MICU1: variants seen among roughly 807,000 people sequenced by gnomAD.
MICU1 encodes the protein calcium uptake protein 1, mitochondrial.
Under a neutral mutation model 56.8 loss-of-function variants are expected in MICU1, and 45 were observed. That is an observed-to-expected ratio of 0.79 (90% CI 0.62 to 1.02). MICU1 has a LOEUF of 1.02. Among genes scored for constraint, MICU1 ranks in the 50% least tolerant of loss-of-function variants. The pLI is 0.00. For missense variants in MICU1, 504 were observed against 587.1 expected, an observed-to-expected ratio of 0.86 and a Z score of 1.46; for synonymous variants, 186 against 195.1, an observed-to-expected ratio of 0.95 and a Z score of 0.39.
intron 3 of MICU1, among the ~76,000 whole-genome samples, chr10:72,561,165 G>A (rs1349801991): frequency 6.6e-6 from 1 of 152,206 alleles, no homozygotes; most frequent in Non-Finnish European, 1.5e-5. Flanking sequence ...GTAACTATAA[G>A]GGTTGGAATT....
intron 10 of MICU1, among the ~76,000 whole-genome samples, chr10:72,400,465 G>A (rs527337459): frequency 6.6e-6 from 1 of 152,144 alleles, no homozygotes. Context: ...ATGATGACTG[G>A]CCGGGCGTGG....
At chr10:72,377,922 T>C (rs1862577541) in intron 10 of MICU1, among the ~76,000 whole-genome samples, 1 of 152,216 alleles carries the variant, frequency 6.6e-6, no homozygotes, top group Admixed American at 6.5e-5. Flanking sequence ...CGATACGGTT[T>C]AGATTTGTGC....
At chr10:72,412,498 C>T (rs1357948546) in intron 9 of MICU1, among the ~76,000 whole-genome samples, 1 of 152,152 alleles carries the variant, frequency 6.6e-6, no homozygotes, top group Non-Finnish European at 1.5e-5. Context: ...CTTTAGGATG[C>T]TGAAAAATGA....
At chr10:72,370,903 C>A (rs1048466778) in intron 11 of MICU1, among the ~76,000 whole-genome samples, 1 of 151,482 alleles carries the variant, frequency 6.6e-6, no homozygotes, top group African/African-American at 2.4e-5. Flanking sequence ...TGGTGGTGGG[C>A]GCCTGTAATT....
At chr10:72,550,671 T>C (rs1393451752) in intron 4 of MICU1, among the ~76,000 whole-genome samples, 1 of 152,218 alleles carries the variant, frequency 6.6e-6, no homozygotes, top group Non-Finnish European at 1.5e-5. Context: ...TAGATCATTC[T>C]TCTTTTTAAA....
chr10:72,454,365 A>T (rs1377714721), intron 8 of MICU1, among the ~76,000 whole-genome samples: 1 of 151,960 alleles, frequency 6.6e-6, no homozygotes, highest in Non-Finnish European at 1.5e-5. Context: ...GAGGCAGGAG[A>T]ATTGCTTGAA....
chr10:72,421,710 A>G (rs1276820350), intron 9 of MICU1, among the ~76,000 whole-genome samples: 2 of 152,158 alleles, frequency 1.3e-5, no homozygotes, highest in Non-Finnish European at 2.9e-5. Flanking sequence ...CCTAAATTCT[A>G]ATAGGCTTAT....
At chr10:72,402,759 T>C (rs1863497168) in intron 10 of MICU1, among the ~76,000 whole-genome samples, 1 of 152,152 alleles carries the variant, frequency 6.6e-6, no homozygotes, top group Non-Finnish European at 1.5e-5. Flanking sequence ...ATAAAGGAAG[T>C]TCGGCTGGGC....
intron 10 of MICU1, among the ~76,000 whole-genome samples, chr10:72,382,118 CTTT>C (rs571239001): frequency 1.4e-5 from 2 of 143,982 alleles, no homozygotes; most frequent in African/African-American, 2.5e-5. Context: ...GATCTGAATT[CTTT>C]TTTTTTTTTG....
chr10:72,468,658 G>C (rs1865866459), intron 8 of MICU1, among the ~76,000 whole-genome samples: 1 of 151,694 alleles, frequency 6.6e-6, no homozygotes, highest in Non-Finnish European at 1.5e-5. Context: ...CATTAAAATA[G>C]CTGTAAAATC....
chr10:72,386,557 ATTTTTTTT>A (rs34210330), intron 10 of MICU1, among the ~76,000 whole-genome samples: 3 of 120,188 alleles, frequency 2.5e-5, no homozygotes, highest in African/African-American at 6.4e-5. Context: ...CCCGCCACCT[ATTTTTTTT>A]TTTTTTTTTT....
At chr10:72,420,942 C>T (rs1268555905) in intron 9 of MICU1, among the ~76,000 whole-genome samples, 1 of 140,658 alleles carries the variant, frequency 7.1e-6, no homozygotes, top group South Asian at 2.2e-4. Flanking sequence ...GCGGAGGTTG[C>T]GATGAGCCGA....
chr10:72,557,186 C>T (rs1187354359), intron 3 of MICU1, among the ~76,000 whole-genome samples: 1 of 152,122 alleles, frequency 6.6e-6, no homozygotes, highest in Non-Finnish European at 1.5e-5. Flanking sequence ...TACACTATCT[C>T]CAATAAAATG....
intron 2 of MICU1, among the ~76,000 whole-genome samples, chr10:72,566,122 C>A (rs1564937826): frequency 7.1e-6 from 1 of 140,038 alleles, no homozygotes; most frequent in Non-Finnish European, 1.5e-5. Flanking sequence ...TGGCTCACTG[C>A]AACCTCCACC....
chr10:72,435,401 A>T (rs944467933), intron 8 of MICU1, among the ~76,000 whole-genome samples: 6 of 151,456 alleles, frequency 4.0e-5, no homozygotes, highest in African/African-American at 1.5e-4. Flanking sequence ...AAAAAAAAAA[A>T]AAAAAAAAAA....
chr10:72,394,353 T>C (rs544136923), intron 10 of MICU1, among the ~76,000 whole-genome samples: 1 of 152,216 alleles, frequency 6.6e-6, no homozygotes, highest in Non-Finnish European at 1.5e-5. Context: ...ATTACCCATA[T>C]GAGGCTGGGC....
intron 3 of MICU1, among the ~76,000 whole-genome samples, chr10:72,559,974 C>T (rs545044164): frequency 7.9e-5 from 12 of 152,236 alleles, no homozygotes; most frequent in South Asian, 4.1e-4. Flanking sequence ...TGATGATCTG[C>T]GGTGGAACGG....
At chr10:72,457,394 T>A (rs1865506689) in intron 8 of MICU1, among the ~76,000 whole-genome samples, 1 of 151,498 alleles carries the variant, frequency 6.6e-6, no homozygotes, top group African/African-American at 2.4e-5. Context: ...ATTTTTTTTT[T>A]TTTTGGTAGT....
intron 6 of MICU1, among the ~76,000 whole-genome samples, chr10:72,492,229 AT>A (rs1334364371): frequency 2.6e-5 from 4 of 152,166 alleles, no homozygotes; most frequent in Admixed American, 2.0e-4. Context: ...CAGTGGAATG[AT>A]CTTATTTAAA....
Sources: allele counts gnomAD v4.1 joint callset (sites outside exome capture counted in the v4.1 genomes callset), GRCh38; gene constraint gnomAD v4.1.1; transcripts MANE v1.5; gene names NCBI Gene and HGNC (gene_info 2026-07-23, HGNC 2026-07-21).